MAP4K4: variants seen among roughly 807,000 people sequenced by gnomAD.
The protein encoded by MAP4K4 is HPK/GCK-like kinase HGK.
Under a neutral mutation model 189.6 loss-of-function variants are expected in MAP4K4, and 38 were observed. The ratio of observed to expected loss-of-function variants is 0.20; its 90% CI spans 0.15 to 0.26. The LOEUF (loss-of-function observed/expected upper bound fraction) is 0.26, where lower values mean the gene tolerates loss of function less well. Among genes scored for constraint, MAP4K4 ranks in the 10% least tolerant of loss-of-function variants. The pLI is 1.00. For synonymous variants in MAP4K4, 610 were observed against 624.3 expected, an observed-to-expected ratio of 0.98 and a Z score of 0.34; for missense variants, 1,054 against 1,726.9, an observed-to-expected ratio of 0.61 and a Z score of 6.91.
At position 101,875,192 on chromosome 2, in the gene MAP4K4, T is replaced by C. The variant is rs17026227; in HGVS notation, c.3241+940T>C. ...AATTTCTAAGCTGTTTTAGATCAACTTGCCTAGATATATGCAGGGAAACCT... is the reference window on the plus strand; with the variant it reads ...AATTTCTAAGCTGTTTTAGATCAACCTGCCTAGATATATGCAGGGAAACCT... On this transcript the variant is annotated intron_variant, in intron 26 of 32. Coordinates refer to ENST00000324219, the Ensembl canonical transcript of MAP4K4. Among the ~76,000 whole-genome samples the C allele has an allele frequency of 4.7e-3, 721 of 152,318 alleles. 9 individuals carry two copies. Among genetic ancestry groups the C allele is most frequent in the African/African-American group, 0.016 (649 of 41,560 alleles).
At chr2:101,870,803 T>A (rs573232948) in intron 23 of MAP4K4, among the ~76,000 whole-genome samples, 2 of 152,236 alleles carry the variant, frequency 1.3e-5, no homozygotes, top group African/African-American at 4.8e-5. Flanking sequence ...GCTCTGAGTG[T>A]CTGCAGTGCC....
chr2:101,739,957 G>A lies in MAP4K4; in HGVS notation c.123+41419G>A, dbSNP rs371416827. Among the ~76,000 whole-genome samples, 198 of 152,180 alleles carry A rather than the reference G, an allele frequency of 1.3e-3. 1 individual carries two copies. The highest frequency in any genetic ancestry group is 4.5e-3 in the African/African-American group (185 of 41,518). On this transcript the variant is annotated intron_variant, in intron 2 of 32. Coordinates refer to ENST00000324219, the Ensembl canonical transcript of MAP4K4. ...GATTCTGGCCCTTCCTATGCTTTGG[G>A]GAGGTCCATTATTTTACACTAAAGG...
chr2:101,698,567 G>T, intron 2 of MAP4K4, 29 bp downstream of exon 2: 1 of 1,603,448 alleles, frequency 6.2e-7, no homozygotes, highest in Non-Finnish European at 8.5e-7. Flanking sequence ...TTTGTTTCCC[G>T]TGGCATGTGG....
intron 27 of MAP4K4, 118 bp from the exon 28 acceptor site, chr2:101,882,433 C>T (rs896747235): frequency 2.9e-6 from 2 of 683,340 alleles, no homozygotes; most frequent in Non-Finnish European, 4.4e-6. Flanking sequence ...TTGTGACTTG[C>T]CTTTCACTAG....
rs142464053 is a variant in MAP4K4, at chr2:101,720,365, A to C, written c.123+21827A>C. 4.7e-3 allele frequency among the ~76,000 whole-genome samples: 720 copies of C among 152,064 alleles called. 7 individuals are homozygous for C. Among genetic ancestry groups the C allele is most frequent in the African/African-American group, 0.017 (686 of 41,506 alleles). On this transcript the variant is annotated intron_variant, in intron 2 of 32. Coordinates refer to ENST00000324219, the Ensembl canonical transcript of MAP4K4. The stretch of plus-strand genomic sequence containing the variant: ...ATTTTTTTGTATTTTTAGTAGAGAC[A>C]GGGTTTCACCATGTTGGCCAGGCTG...
At chr2:101,712,153 C>G (rs936530371) in intron 2 of MAP4K4, among the ~76,000 whole-genome samples, 5 of 151,708 alleles carry the variant, frequency 3.3e-5, no homozygotes, top group African/African-American at 1.2e-4. Context: ...CCCACTTGGC[C>G]TTATAGTTTT....
intron 27 of MAP4K4, among the ~76,000 whole-genome samples, chr2:101,879,394 A>G (rs1389438970): frequency 6.6e-6 from 1 of 151,142 alleles, no homozygotes; most frequent in African/African-American, 2.4e-5. Flanking sequence ...ACAAAATGTC[A>G]CCCCCATCTC....
intron 10 of MAP4K4, among the ~76,000 whole-genome samples, chr2:101,840,893 A>T (rs2096897268): frequency 6.6e-6 from 1 of 152,254 alleles, no homozygotes; most frequent in South Asian, 2.1e-4. Context: ...TCCTTCTGAT[A>T]TACTTAGTTA....
exon 23 of MAP4K4, chr2:101,870,322 A>G (rs762792227): frequency 6.2e-7 from 1 of 1,613,232 alleles, no homozygotes; most frequent in Non-Finnish European, 8.5e-7. Context: ...GCAATGGTGA[A>G]ACGGAATCTG....
chr2:101,783,013 A>C (rs2088539910), intron 2 of MAP4K4, among the ~76,000 whole-genome samples: 1 of 152,174 alleles, frequency 6.6e-6, no homozygotes. Flanking sequence ...TTCAGCTCAT[A>C]GTCACATAGG....
chr2:101,867,107 C>T (rs1317084685), intron 19 of MAP4K4, 105 bp from the exon 20 acceptor site: 5 of 686,898 alleles, frequency 7.3e-6, no homozygotes, highest in African/African-American at 1.8e-5. Flanking sequence ...GAGAGCCTAC[C>T]ATGAGTGGGC....
intron 2 of MAP4K4, among the ~76,000 whole-genome samples, chr2:101,768,733 C>G (rs899255032): frequency 8.5e-5 from 13 of 152,176 alleles, no homozygotes; most frequent in African/African-American, 2.9e-4. Context: ...GATGTTGGTA[C>G]TTCTCCAACA....
chr2:101,822,429 G>T (rs1405234986), intron 3 of MAP4K4, among the ~76,000 whole-genome samples: 4 of 152,176 alleles, frequency 2.6e-5, no homozygotes, highest in Non-Finnish European at 5.9e-5. Context: ...GAACCAAGCT[G>T]TAAAGCCGCC....
At position 101,864,131 on chromosome 2, in the gene MAP4K4, G is replaced by A. The variant is rs2097753354; in HGVS notation, c.2097+80G>A. On this transcript the variant is annotated intron_variant, in intron 17 of 32. Coordinates refer to ENST00000324219, the Ensembl canonical transcript of MAP4K4. ...TTAAAGATTATTTATTTTAATTATG[G>A]GTATGCAACTTGACCAAATTTAAAG... 2.3e-5 allele frequency: 18 copies of A among 799,714 alleles called. No individual in the cohort carries two copies. In the South Asian group the frequency reaches 3.1e-4, roughly 14 times the overall value. 49.5% of individuals were successfully genotyped at this position (799,714 alleles called of 1,614,324 possible). A position where few individuals can be genotyped will look rare whatever the true frequency, so the allele number is the denominator to read the frequency against.
intron 13 of MAP4K4, among the ~76,000 whole-genome samples, chr2:101,858,270 T>G (rs2097536837): frequency 3.9e-5 from 6 of 152,220 alleles, no homozygotes; most frequent in Admixed American, 3.9e-4. Context: ...GTTTTACCCC[T>G]CTCTATAACA....
chr2:101,825,185 C>G, intron 4 of MAP4K4, 134 bp from the exon 5 acceptor site: 4 of 574,936 alleles, frequency 7.0e-6, no homozygotes, highest in Non-Finnish European at 9.4e-6. Context: ...TATTTAGGTG[C>G]CTCCAAATTA....
chr2:101,882,448 A>T, intron 27 of MAP4K4, 103 bp from the exon 28 acceptor site: 1 of 856,510 alleles, frequency 1.2e-6, no homozygotes, highest in Non-Finnish European at 1.7e-6. Flanking sequence ...CACTAGGTTT[A>T]AGTGCTGGCC....
intron 2 of MAP4K4, among the ~76,000 whole-genome samples, chr2:101,753,958 C>T (rs2070738390): frequency 6.6e-6 from 1 of 152,108 alleles, no homozygotes. Context: ...CAGCTAGCGC[C>T]TGGGGTCTTT....
intron 3 of MAP4K4, among the ~76,000 whole-genome samples, chr2:101,794,376 C>T (rs1358933568): frequency 6.6e-6 from 1 of 152,202 alleles, no homozygotes; most frequent in African/African-American, 2.4e-5. Context: ...ACTTGGAGTT[C>T]ATAAACTCTT....
Sources: gnomAD v4.1 joint callset for allele counts (sites outside exome capture counted in the v4.1 genomes callset) on GRCh38, gnomAD v4.1.1 for gene constraint, MANE v1.5 for transcripts, NCBI Gene and HGNC (gene_info 2026-07-23, HGNC 2026-07-21) for gene names.